IDH2: variants seen among roughly 807,000 people sequenced by gnomAD.
The protein encoded by IDH2 is isocitrate dehydrogenase [NADP], mitochondrial.
Under a neutral mutation model 50.5 loss-of-function variants are expected in IDH2, and 18 were observed. The observed-to-expected ratio is 0.36, with a 90% CI of 0.25 to 0.53. IDH2 has a LOEUF of 0.53. Among genes scored for constraint, IDH2 ranks in the 20% least tolerant of loss-of-function variants. The pLI, the probability that IDH2 is intolerant of heterozygous loss-of-function variation, is 0.92. For synonymous variants in IDH2, 280 were observed against 239.8 expected, an observed-to-expected ratio of 1.17 and a Z score of -1.55; for missense variants, 518 against 610.7, an observed-to-expected ratio of 0.85 and a Z score of 1.60.
chr15:90,097,542 T>C (rs1429962915), intron 1 of IDH2, among the ~76,000 whole-genome samples: 1 of 152,234 alleles, frequency 6.6e-6, no homozygotes, highest in Non-Finnish European at 1.5e-5. Flanking sequence ...GGGGGCATTA[T>C]GCTAACTAAG....
Position 90,093,098 on chromosome 15 carries a change from C to T in IDH2, c.116-1454G>A, listed in dbSNP as rs916667646. Among the ~76,000 whole-genome samples the T allele has an allele frequency of 3.3e-5, 5 of 152,374 alleles. No individual in the cohort carries two copies. The East Asian group carries it at 9.6e-4, about 29-fold the overall frequency. On this transcript the variant is annotated intron_variant, in intron 1 of 10. Transcript: ENST00000330062. ...CAACACAAAGAACACTGGCTAGCTG[C>T]GGCTGCCTCATCCAGCACCAAATCA...
At position 90,098,531 on chromosome 15, in the gene IDH2, C is replaced by CATGTATGTATGTATGCATGT. The variant is rs138094075; in HGVS notation, c.115+3744_115+3745insACATGCATACATACATACAT. 0.087 allele frequency among the ~76,000 whole-genome samples: 12,064 copies of CATGTATGTATGTATGCATGT among 138,414 alleles called. 636 individuals carry two copies. Among genetic ancestry groups the CATGTATGTATGTATGCATGT allele is most frequent in the Non-Finnish European group, 0.12 (7,568 of 62,850 alleles). The allele number at this position is 138,414 out of a possible 152,430, so 90.8% of individuals were successfully genotyped here. On this transcript the variant is annotated intron_variant, in intron 1 of 10. Coordinates refer to ENST00000330062, the MANE Select transcript of IDH2 (RefSeq NM_002168.4). This position sits in a 1 kb window ranked among gnomAD's most constrained non-coding sequence, Gnocchi z 5.1. ...GTATGTATGTATGTATGTATGCATGCATGTATGTATGTATGTATGTATGTA... is the reference window on the plus strand; with the variant it reads ...GTATGTATGTATGTATGTATGCATGCATGTATGTATGTATGCATGTATGTATGTATGTATGTATGTATGTA...
Position 90,085,420 on chromosome 15 carries a change from C to A in IDH2, c.968-33G>T, listed in dbSNP as rs567288602. ...GTAGAAAGCCTTTCTCTCAGGGCCT[C>A]GCCTCTCCTGGGGCCACCCAGCTGA... On this transcript the variant is annotated intron_variant, in intron 7 of 10. Transcript: ENST00000330062. The surrounding 1 kb of genome is among the most constrained non-coding windows in gnomAD (Gnocchi z 5.5). 1.4e-6 allele frequency: 2 copies of A among 1,462,468 alleles called. No individual in the cohort carries two copies. Among genetic ancestry groups the A allele is most frequent in the Non-Finnish European group, 1.9e-6 (2 of 1,066,954 alleles). The allele number at this position is 1,462,468 out of a possible 1,614,324, so 90.6% of individuals were successfully genotyped here.
Position 90,100,827 on chromosome 15 carries a change from T to C in IDH2, c.115+1449A>G, listed in dbSNP as rs76153350. 1.3e-3 allele frequency: 214 copies of C among 169,472 alleles called. 1 individual carries two copies. The East Asian group carries it at 0.021, about 17-fold the overall frequency. The allele number at this position is 169,472 out of a possible 1,614,324, so 10.5% of individuals were successfully genotyped here. A position where few individuals can be genotyped will look rare whatever the true frequency, so the allele number is the denominator to read the frequency against. Reference sequence around the variant, plus strand: ...TTTCCCCATTCATAACCAACCCACATGGGGACTTCTAGAAGGGCCTGCAAC... The same window carrying C: ...TTTCCCCATTCATAACCAACCCACACGGGGACTTCTAGAAGGGCCTGCAAC... On this transcript the variant is annotated intron_variant, in intron 1 of 10. Coordinates refer to ENST00000330062, the MANE Select transcript of IDH2 (RefSeq NM_002168.4). The surrounding 1 kb of genome is among the most constrained non-coding windows in gnomAD (Gnocchi z 4.1).
At chr15:90,088,212 G>C (rs987154390) in intron 5 of IDH2, 147 bp downstream of exon 5, 11 of 1,058,736 alleles carry the variant, frequency 1.0e-5, no homozygotes, top group African/African-American at 1.6e-5. Context: ...GATTACAAGT[G>C]TCAGCCACCA....
chr15:90,088,499 T>G lies in IDH2; in HGVS notation c.538A>C (p.Lys180Gln). 1 of 1,614,218 alleles carries G rather than the reference T, an allele frequency of 6.2e-7. No individual in the cohort carries two copies. Among genetic ancestry groups the G allele is most frequent in the Non-Finnish European group, 8.5e-7 (1 of 1,180,044 alleles). Residue 180 changes from lysine to glutamine, a missense_variant, in exon 5 of 11, where the codon AAG (lysine) becomes CAG (glutamine). Coordinates refer to ENST00000330062, the MANE Select transcript of IDH2 (RefSeq NM_002168.4). Reference sequence around the variant, plus strand: ...CGGTCTGCCACAAAGTCTGTGGCCTTGTACTGCAGAGACAAGAGGATGGCT... The same window carrying G: ...CGGTCTGCCACAAAGTCTGTGGCCTGGTACTGCAGAGACAAGAGGATGGCT... ...IGRHAHGDQY[K>Q]ATDFVADRAG...
At chr15:90,089,870 G>A (rs893167906) in intron 3 of IDH2, among the ~76,000 whole-genome samples, 20 of 152,214 alleles carry the variant, frequency 1.3e-4, no homozygotes, top group Non-Finnish European at 2.6e-4. Context: ...GACCCTGCAT[G>A]ACCATGGGGA....
intron 3 of IDH2, 129 bp downstream of exon 3, chr15:90,090,350 G>A (rs1018007640): frequency 4.7e-5 from 48 of 1,013,952 alleles, no homozygotes; most frequent in Non-Finnish European, 5.3e-5. Flanking sequence ...GAAAGCCCCA[G>A]CTCTGGAGCC....
At chr15:90,087,841 G>A (rs1219205068) in intron 5 of IDH2, among the ~76,000 whole-genome samples, 1 of 33,260 alleles carries the variant, frequency 3.0e-5, no homozygotes, top group Non-Finnish European at 5.0e-5. Context: ...ACTTTTTTTT[G>A]GAAAGCACCG....
Position 90,084,686 on chromosome 15 carries a change from C to A in IDH2, c.1271+130G>T. 1.2e-6 allele frequency: 1 copy of A among 809,648 alleles called. No homozygotes were observed. The highest frequency in any genetic ancestry group is 1.8e-5 in the Admixed American group (1 of 56,102). 50.2% of individuals were successfully genotyped at this position (809,648 alleles called of 1,614,324 possible). The stretch of plus-strand genomic sequence containing the variant: ...ACAGAGGCTGGCCTGAGCAGTCTCT[C>A]AGGGCTGTGGACATGTCCTGCCCCA... On this transcript the variant is annotated intron_variant, in intron 10 of 10. Coordinates refer to ENST00000330062, the MANE Select transcript of IDH2 (RefSeq NM_002168.4). This position sits in a 1 kb window ranked among gnomAD's most constrained non-coding sequence, Gnocchi z 5.0.
rs571912405 is a variant in IDH2 at position 90,084,719 on chromosome 15, T to C, written c.1271+97A>G. On this transcript the variant is annotated intron_variant, in intron 10 of 10. Transcript: ENST00000330062. The surrounding 1 kb of genome is among the most constrained non-coding windows in gnomAD (Gnocchi z 5.0). The stretch of plus-strand genomic sequence containing the variant: ...TGGACATGTCCTGCCCCAGGCCCCC[T>C]TGCAGCTAAGCTGACTCATGAGGGG... The C allele has an allele frequency of 5.0e-4, 504 of 1,005,696 alleles. 1 individual carries two copies. Among genetic ancestry groups the C allele is most frequent in the Non-Finnish European group, 6.8e-4 (433 of 637,824 alleles). 62.3% of individuals were successfully genotyped at this position (1,005,696 alleles called of 1,614,324 possible).
In IDH2 at chr15:90,083,119, ATTTTTTTTTTTTT is replaced by A. The variant is rs59583363; in HGVS notation, c.*1134_*1146del. Reference sequence around the variant, plus strand: ...GGGGCTAAAAAACTTGCATAGAGCAATTTTTTTTTTTTTTTTTTTTTTTTTTTTTTTGAGACAG... The same window carrying A: ...GGGGCTAAAAAACTTGCATAGAGCAATTTTTTTTTTTTTTTTTTGAGACAG... On this transcript the variant is annotated 3_prime_UTR_variant, in exon 11 of 11. Transcript: ENST00000330062. The A allele has an allele frequency of 6.4e-5, 4 of 62,656 alleles. No individual in the cohort carries two copies. The highest frequency in any genetic ancestry group is 6.1e-5 in the African/African-American group (1 of 16,484). The allele number at this position is 62,656 out of a possible 1,614,324, so 3.9% of individuals were successfully genotyped here. A position where few individuals can be genotyped will look rare whatever the true frequency, so the allele number is the denominator to read the frequency against.
In IDH2 at chr15:90,088,689, C is replaced by T. The variant is rs1254490189; in HGVS notation, c.432G>A (p.Gly144=). The T allele has an allele frequency of 6.2e-7, 1 of 1,614,092 alleles. No individual in the cohort carries two copies. Among genetic ancestry groups the T allele is most frequent in the South Asian group, 1.1e-5 (1 of 91,080 alleles). ...TGATGGGCTCCCGGAAGACAGTCCC[C>T]CCCAGGATGTTCCGGATAGTTCCAT... ...SPNGTIRNIL[G]GTVFREPIIC... is the part of the protein sequence containing the mutation. The change falls in exon 4 of 11, where the codon GGG becomes GGA. Residue 144 remains glycine (G), a synonymous_variant. Transcript: ENST00000330062.
chr15:90,101,807 G>A (rs1357625760), intron 1 of IDH2, among the ~76,000 whole-genome samples: 1 of 151,470 alleles, frequency 6.6e-6, no homozygotes, highest in African/African-American at 2.4e-5. Flanking sequence ...GAAAAGGAAG[G>A]GGAAGTGCAT....
Position 90,088,616 on chromosome 15 carries a change from T to C in IDH2, c.505A>G (p.Thr169Ala), listed in dbSNP as rs767668749. The C allele has an allele frequency of 1.2e-6, 2 of 1,614,188 alleles. No individual in the cohort carries two copies. Among genetic ancestry groups the C allele is most frequent in the Non-Finnish European group, 1.7e-6 (2 of 1,180,034 alleles). The change falls in exon 4 of 11, where the codon ACC (threonine) becomes GCC (alanine). Residue 169 changes from threonine to alanine, a missense_variant. Coordinates refer to ENST00000330062, the MANE Select transcript of IDH2 (RefSeq NM_002168.4). ...RLVPGWTKPI[T>A]IGRHAHGDQY... ...TCGCCATGGGCGTGCCTGCCAATGGTGATGGGCTTGGTCCAGCCAGGGACT... is the reference window on the plus strand; with the variant it reads ...TCGCCATGGGCGTGCCTGCCAATGGCGATGGGCTTGGTCCAGCCAGGGACT...
Position 90,087,495 on chromosome 15 carries a change from G to C in IDH2, c.759C>G (p.Thr253=), listed in dbSNP as rs764775925. 1 of 1,614,188 alleles carries C rather than the reference G, an allele frequency of 6.2e-7. No individual in the cohort carries two copies. Residue 253 remains threonine, a synonymous_variant, in exon 6 of 11, where the codon ACC becomes ACG. Coordinates refer to ENST00000330062, the MANE Select transcript of IDH2 (RefSeq NM_002168.4). The part of the protein sequence containing the change: ...KWPLYMSTKN[T]ILKAYDGRFK... ...AACGCCCATCGTAGGCTTTCAGTAT[G>C]GTGTTCTTGGTGCTCATGTACAGCG...
intron 1 of IDH2, among the ~76,000 whole-genome samples, chr15:90,101,216 T>C (rs1265055869): frequency 3.9e-5 from 6 of 152,018 alleles, no homozygotes; most frequent in Non-Finnish European, 7.4e-5. Flanking sequence ...GGTTAACCAT[T>C]ACCTCCTCTG....
chr15:90,094,100 G>C (rs1282004128), intron 1 of IDH2, among the ~76,000 whole-genome samples: 4 of 152,172 alleles, frequency 2.6e-5, no homozygotes, highest in Non-Finnish European at 4.4e-5. Flanking sequence ...ACGCAGGTGG[G>C]TCAGTCCTAC....
Position 90,100,622 on chromosome 15 carries a change from A to C in IDH2, c.115+1654T>G. 1.0e-6 allele frequency: 1 copy of C among 985,428 alleles called. No homozygotes were observed. Among genetic ancestry groups the C allele is most frequent in the Non-Finnish European group, 1.2e-6 (1 of 829,928 alleles). The allele number at this position is 985,428 out of a possible 1,614,324, so 61.0% of individuals were successfully genotyped here. On this transcript the variant is annotated intron_variant, in intron 1 of 10. Coordinates refer to ENST00000330062, the MANE Select transcript of IDH2 (RefSeq NM_002168.4). The surrounding 1 kb of genome is among the most constrained non-coding windows in gnomAD (Gnocchi z 4.1). ...CTGGAAGCCTATGGCGTTGCAAAAT[A>C]GGAAAAGATGCGTGCAGGAATTACC...
Sources: allele counts gnomAD v4.1 joint callset (sites outside exome capture counted in the v4.1 genomes callset), GRCh38; gene constraint gnomAD v4.1.1; non-coding constraint Gnocchi (gnomAD v3.1); transcripts MANE v1.5; gene names NCBI Gene and HGNC (gene_info 2026-07-23, HGNC 2026-07-21).